CASP6: variants seen among roughly 807,000 people sequenced by gnomAD.
CASP6 encodes caspase 6, also known as caspase-6.
Under a neutral mutation model 31.8 loss-of-function variants are expected in CASP6, and 20 were observed. That is an observed-to-expected ratio of 0.63 (90% confidence interval 0.44 to 0.91). The LOEUF is 0.91. CASP6 is among the 40% of genes least tolerant of loss of function. The pLI is 0.00. For missense variants in CASP6, 328 were observed against 361.1 expected, an observed-to-expected ratio of 0.91 and a Z score of 0.74; for synonymous variants, 130 against 127.8, an observed-to-expected ratio of 1.02 and a Z score of -0.12.
chr4:109,676,969 C>CA, the CASP6 span, among the ~76,000 whole-genome samples: 1 of 152,230 alleles, frequency 6.6e-6, no homozygotes, highest in Non-Finnish European at 1.5e-5. Flanking sequence ...TACCAGTGTG[C>CA]AGCAGCATCC....
upstream of CASP6, among the ~76,000 whole-genome samples, chr4:109,707,973 G>A (rs541118754): frequency 5.3e-5 from 8 of 152,144 alleles, no homozygotes; most frequent in South Asian, 4.2e-4. Flanking sequence ...AATTCCTCTG[G>A]ACCTTGTAAT....
At chr4:109,691,551 T>C (rs1730057062) in intron 5 of CASP6, among the ~76,000 whole-genome samples, 1 of 152,186 alleles carries the variant, frequency 6.6e-6, no homozygotes, top group South Asian at 2.1e-4. Flanking sequence ...CCACTAATTC[T>C]GACTCACTCA....
At chr4:109,689,809 T>C (rs1228930865) in intron 6 of CASP6, among the ~76,000 whole-genome samples, 2 of 152,086 alleles carry the variant, frequency 1.3e-5, no homozygotes, top group Non-Finnish European at 2.9e-5. Flanking sequence ...CCTAAAAAAT[T>C]CCCAAGATAG....
intron 1 of CASP6, among the ~76,000 whole-genome samples, chr4:109,701,292 T>A (rs1036402718): frequency 2.4e-4 from 36 of 152,314 alleles, no homozygotes; most frequent in African/African-American, 8.4e-4. Flanking sequence ...CTGGATAAAG[T>A]AAGAAATAGC....
chr4:109,709,528 A>G, the CASP6 span, among the ~76,000 whole-genome samples: 1 of 152,312 alleles, frequency 6.6e-6, no homozygotes, highest in Admixed American at 6.5e-5. Flanking sequence ...TGTCTTCATT[A>G]CAGCTTCTCT....
downstream of CASP6, chr4:109,685,369 T>C (rs1216183445): frequency 3.1e-6 from 4 of 1,291,656 alleles, no homozygotes. Context: ...CTTGCTAAGG[T>C]ATACTACAAA....
rs777393227 is a variant in CASP6 at position 109,689,567 on chromosome 4, T to A, written c.645A>T (p.Gly215=). 1 of 1,612,274 alleles carries A rather than the reference T, an allele frequency of 6.2e-7. No individual in the cohort carries two copies. Among genetic ancestry groups the A allele is most frequent in the South Asian group, 1.1e-5 (1 of 90,942 alleles). The part of the protein sequence containing the change: ...DFLMCYSVAE[G]YYSHRETVNG... ...TCACAGTTTCCCGGTGAGAATAATATCCTAAAAAAGTGAGAAGGAAAATGT... is the reference window on the plus strand; with the variant it reads ...TCACAGTTTCCCGGTGAGAATAATAACCTAAAAAAGTGAGAAGGAAAATGT... Residue 215 remains glycine (G), a splice_region_variant and synonymous_variant, in exon 7 of 7, where the codon GGA becomes GGT. Coordinates refer to ENST00000265164, the MANE Select transcript of CASP6 (RefSeq NM_001226.4).
the CASP6 span, among the ~76,000 whole-genome samples, chr4:109,677,905 G>T: frequency 6.7e-5 from 10 of 148,760 alleles, no homozygotes; most frequent in East Asian, 1.8e-3. Flanking sequence ...GTGGAGAGAA[G>T]GTCAGCAGAT....
At chr4:109,693,576 A>G (rs1730141294) in intron 5 of CASP6, among the ~76,000 whole-genome samples, 1 of 151,328 alleles carries the variant, frequency 6.6e-6, no homozygotes, top group African/African-American at 2.4e-5. Flanking sequence ...AATCCCAGCT[A>G]CTCGGGAGGC....
At chr4:109,686,627 G>C (rs576468471), downstream of CASP6, among the ~76,000 whole-genome samples, 1 of 152,334 alleles carries the variant, frequency 6.6e-6, no homozygotes, top group South Asian at 2.1e-4. Flanking sequence ...TGTGATCCCA[G>C]TGATTTGGGA....
At chr4:109,702,053 T>A (rs776194673) in intron 1 of CASP6, among the ~76,000 whole-genome samples, 1 of 152,220 alleles carries the variant, frequency 6.6e-6, no homozygotes, top group African/African-American at 2.4e-5. Flanking sequence ...TAACCCTATG[T>A]AGAGTAACCT....
At chr4:109,673,816 T>A in the CASP6 span, 1 of 712,110 alleles carries the variant, frequency 1.4e-6, no homozygotes, top group South Asian at 1.6e-5. Context: ...GTTTTTTCGC[T>A]CTAGGGAGAT....
intron 5 of CASP6, 102 bp downstream of exon 5, chr4:109,694,423 C>T (rs1730173026): frequency 9.2e-7 from 1 of 1,091,454 alleles, no homozygotes; most frequent in African/African-American, 1.6e-5. Flanking sequence ...ACGGCCTGTC[C>T]AATTACTGGA....
chr4:109,705,997 AAAAAATATATATATAT>A (rs1381045831), upstream of CASP6, among the ~76,000 whole-genome samples: 11 of 47,450 alleles, frequency 2.3e-4, no homozygotes, highest in African/African-American at 8.8e-4. Context: ...AAAAAAAAAA[AAAAAATATATATATAT>A]ATATATATAT....
chr4:109,685,358 C>T (rs750462129), downstream of CASP6: 9 of 1,451,416 alleles, frequency 6.2e-6, no homozygotes, highest in South Asian at 1.1e-5. Context: ...TAAAAGAAGA[C>T]CTTGCTAAGG....
chr4:109,666,603 G>T, the CASP6 span, among the ~76,000 whole-genome samples: 1 of 152,144 alleles, frequency 6.6e-6, no homozygotes, highest in East Asian at 1.9e-4. Flanking sequence ...TTGTTGAGGT[G>T]TCTTTTCAGA....
chr4:109,671,906 G>A, the CASP6 span, among the ~76,000 whole-genome samples: 1 of 152,098 alleles, frequency 6.6e-6, no homozygotes, highest in Non-Finnish European at 1.5e-5. Flanking sequence ...TGCTGTAGCT[G>A]TAGGTATCAG....
upstream of CASP6, among the ~76,000 whole-genome samples, chr4:109,705,850 C>T (rs1579117707): frequency 6.9e-6 from 1 of 145,350 alleles, no homozygotes; most frequent in Admixed American, 7.0e-5. Context: ...AGTGGTGGCA[C>T]ATGCCTGTAT....
intron 1 of CASP6, among the ~76,000 whole-genome samples, chr4:109,700,971 C>A (rs5030535): frequency 6.6e-6 from 1 of 152,094 alleles, no homozygotes; most frequent in Non-Finnish European, 1.5e-5. Context: ...TTATTACTAT[C>A]TTTTTGGGAT....
Sources: allele counts gnomAD v4.1 joint callset (sites outside exome capture counted in the v4.1 genomes callset), GRCh38; gene constraint gnomAD v4.1.1; transcripts MANE v1.5; gene names NCBI Gene and HGNC (gene_info 2026-07-23, HGNC 2026-07-21).